Variants in BCL2L13 observed in about 807,000 individuals in gnomAD.
BCL2L13 encodes bcl-2-like protein 13.
A neutral mutation model predicts 25.8 loss-of-function variants in BCL2L13; 13 were observed. The observed-to-expected ratio is 0.50, with a 90% confidence interval of 0.33 to 0.80. The LOEUF is 0.80. Ranked by LOEUF, BCL2L13 falls within the 30% of genes least tolerant of loss-of-function variation. The pLI is 0.02. For synonymous variants in BCL2L13, 244 were observed against 230.3 expected (o/e 1.06, Z -0.54); for missense variants, 504 against 574.9 (o/e 0.88, Z 1.26).
At chr22:17,702,869 A>G (rs1234859661) in intron 6 of BCL2L13, 1 of 152,116 alleles carries the variant, frequency 6.6e-6, no homozygotes, top group East Asian at 1.9e-4. Context: ...ATATATATAT[A>G]GGGCTGGGTG....
chr22:17,720,776 A>G (rs1306809955), intron 6 of BCL2L13, among the ~76,000 whole-genome samples: 1 of 151,446 alleles, frequency 6.6e-6, no homozygotes, highest in Non-Finnish European at 1.5e-5. Context: ...TGTTGGGATT[A>G]TAGGTGTGAG....
Position 17,729,331 on chromosome 22 carries a change from G to A in BCL2L13, c.*1797G>A, listed in dbSNP as rs1351413124. On this transcript the variant is annotated 3_prime_UTR_variant, in exon 7 of 7. Transcript: ENST00000317582. ...AGGGAGTGATGTTTTAAGGGTTTTTGTGTACTTGGATTAAGTAATTAGAGG... is the reference window on the plus strand; with the variant it reads ...AGGGAGTGATGTTTTAAGGGTTTTTATGTACTTGGATTAAGTAATTAGAGG... The A allele has an allele frequency of 1.3e-5, 2 of 152,156 alleles. No homozygotes were observed. The highest frequency in any genetic ancestry group is 4.8e-5 in the African/African-American group (2 of 41,432). The allele number at this position is 152,156 out of a possible 1,614,324, so 9.4% of individuals were successfully genotyped here.
chr22:17,673,104 A>G (rs1202280614), intron 2 of BCL2L13, among the ~76,000 whole-genome samples: 2 of 152,134 alleles, frequency 1.3e-5, no homozygotes, highest in African/African-American at 4.8e-5. Flanking sequence ...CTGAAGTCTC[A>G]TATTCTTTAT....
chr22:17,723,696 A>T (rs1399777609), intron 6 of BCL2L13, among the ~76,000 whole-genome samples: 1 of 152,146 alleles, frequency 6.6e-6, no homozygotes, highest in Non-Finnish European at 1.5e-5. Flanking sequence ...GCACTTTGGG[A>T]GGCCGAGGTA....
intron 6 of BCL2L13, chr22:17,706,717 T>C: frequency 7.4e-7 from 1 of 1,351,786 alleles, no homozygotes; most frequent in African/African-American, 1.5e-5. Flanking sequence ...TGATTCTCCC[T>C]GAGTCATCCT....
rs560082372 is a variant in BCL2L13, at chr22:17,661,714, G to C, written c.121+5882G>C. On this transcript the variant is annotated intron_variant, in intron 2 of 6. Transcript: ENST00000317582. ...GATTAGAATTGCATAATTATGTGCC[G>C]GGTGTGGTGGCTCACACCTGTGATC... Among the ~76,000 whole-genome samples, 4 of 145,760 alleles carry C rather than the reference G, an allele frequency of 2.7e-5. 1 individual carries two copies. The highest frequency in any genetic ancestry group is 1.4e-4 in the Admixed American group (2 of 14,552).
At chr22:17,691,878 G>A (rs1393780339) in intron 4 of BCL2L13, among the ~76,000 whole-genome samples, 1 of 152,106 alleles carries the variant, frequency 6.6e-6, no homozygotes, top group Non-Finnish European at 1.5e-5. Context: ...ATTTAAAGGA[G>A]AATTGGCTTG....
chr22:17,685,198 A>G (rs1032975081), intron 3 of BCL2L13, among the ~76,000 whole-genome samples: 9 of 150,852 alleles, frequency 6.0e-5, no homozygotes, highest in African/African-American at 2.2e-4. Context: ...TGTGACTGGC[A>G]TTTTTTACTT....
At chr22:17,716,171 A>G (rs951827931) in intron 6 of BCL2L13, among the ~76,000 whole-genome samples, 1 of 152,194 alleles carries the variant, frequency 6.6e-6, no homozygotes, top group Non-Finnish European at 1.5e-5. Context: ...CTAGGAGTTC[A>G]GGAGGAATAA....
intron 2 of BCL2L13, among the ~76,000 whole-genome samples, chr22:17,665,124 T>G (rs1314304207): frequency 6.6e-6 from 1 of 152,218 alleles, no homozygotes; most frequent in Non-Finnish European, 1.5e-5. Flanking sequence ...ATGCTTTGCT[T>G]CCTCTTGAAG....
intron 3 of BCL2L13, among the ~76,000 whole-genome samples, chr22:17,685,219 A>G (rs1455065507): frequency 6.6e-6 from 1 of 150,828 alleles, no homozygotes; most frequent in Non-Finnish European, 1.5e-5. Context: ...AGCATAATGT[A>G]TTTTTGTTGT....
chr22:17,641,276 C>A (rs906453679), intron 1 of BCL2L13, among the ~76,000 whole-genome samples: 1 of 152,172 alleles, frequency 6.6e-6, no homozygotes, highest in African/African-American at 2.4e-5. Flanking sequence ...CTGCATTTAT[C>A]ATTTTTTAGA....
chr22:17,635,500 T>C (rs2146351970), upstream of BCL2L13, among the ~76,000 whole-genome samples: 1 of 152,352 alleles, frequency 6.6e-6, no homozygotes, highest in Non-Finnish European at 1.5e-5. Context: ...TCTTTCCTCA[T>C]TGAAATGCCT....
chr22:17,642,585 A>G (rs556184003), intron 1 of BCL2L13, among the ~76,000 whole-genome samples: 59 of 151,568 alleles, frequency 3.9e-4, no homozygotes, highest in Middle Eastern at 3.4e-3. Flanking sequence ...TTTTAAAAAT[A>G]AGTTGATGGG....
chr22:17,709,227 C>T (rs960194207), intron 6 of BCL2L13, among the ~76,000 whole-genome samples: 2 of 150,656 alleles, frequency 1.3e-5, no homozygotes, highest in Non-Finnish European at 3.0e-5. Flanking sequence ...CAGAGTGAGA[C>T]TCCATCTCAA....
Position 17,680,511 on chromosome 22 carries a change from C to CAAAAAAAAAAAAAAAAAAAAAAAAA in BCL2L13, c.122-2697_122-2673dup. Reference sequence around the variant, plus strand: ...CCTGGGAGAGAGCGAGACTCTGTCTCAAAAAAAAAAAAAAAAAAAAAAAAA... The same window carrying CAAAAAAAAAAAAAAAAAAAAAAAAA: ...CCTGGGAGAGAGCGAGACTCTGTCTCAAAAAAAAAAAAAAAAAAAAAAAAAAAAAAAAAAAAAAAAAAAAAAAAAA... On this transcript the variant is annotated intron_variant, in intron 2 of 6. Coordinates refer to ENST00000317582, the MANE Select transcript of BCL2L13 (RefSeq NM_015367.4). Among the ~76,000 whole-genome samples, 2 of 13,346 alleles carry CAAAAAAAAAAAAAAAAAAAAAAAAA rather than the reference C, an allele frequency of 1.5e-4. 1 individual carries two copies. The highest frequency in any genetic ancestry group is 2.5e-4 in the Non-Finnish European group (2 of 7,926). The allele number at this position is 13,346 out of a possible 152,430, so 8.8% of individuals were successfully genotyped here.
chr22:17,721,951 C>T (rs184959944), intron 6 of BCL2L13, among the ~76,000 whole-genome samples: 5 of 152,280 alleles, frequency 3.3e-5, no homozygotes, highest in East Asian at 1.9e-4. Flanking sequence ...TGAGCCACCG[C>T]GCCCGGCCAA....
intron 2 of BCL2L13, among the ~76,000 whole-genome samples, chr22:17,673,629 G>A (rs5746458): frequency 0.53 from 79,236 of 150,770 alleles, 21,423 homozygotes; most frequent in East Asian, 0.84. Context: ...CGCCTGCCTC[G>A]GCCTCCCAAA....
chr22:17,687,404 T>C (rs754622379), intron 3 of BCL2L13, among the ~76,000 whole-genome samples: 2 of 152,138 alleles, frequency 1.3e-5, no homozygotes, highest in Non-Finnish European at 2.9e-5. Context: ...TGTAGTGTCA[T>C]GATCAGGGCT....
Sources: allele counts gnomAD v4.1 joint callset (sites outside exome capture counted in the v4.1 genomes callset), GRCh38; gene constraint gnomAD v4.1.1; transcripts MANE v1.5; gene names NCBI Gene and HGNC (gene_info 2026-07-23, HGNC 2026-07-21).